The following IPO7 variants were observed in gnomAD, a reference collection of about 807,000 sequenced individuals.
The protein encoded by IPO7 is importin-7.
IPO7 carries 13 observed loss-of-function variants against 136.4 expected under a neutral mutation model. The observed-to-expected ratio is 0.10, with a 90% CI of 0.06 to 0.15. The LOEUF (loss-of-function observed/expected upper bound fraction) is 0.15, where lower values mean the gene tolerates loss of function less well. IPO7 is among the 10% of genes least tolerant of loss of function. The pLI is 1.00. For missense variants in IPO7, 857 were observed against 1,240.6 expected, an observed-to-expected ratio of 0.69 and a Z score of 4.65; for synonymous variants, 403 against 404.4, an observed-to-expected ratio of 1.00 and a Z score of 0.04.
intron 22 of IPO7, among the ~76,000 whole-genome samples, chr11:9,438,692 A>G (rs982385523): frequency 2.0e-5 from 3 of 152,158 alleles, no homozygotes; most frequent in Non-Finnish European, 2.9e-5. Flanking sequence ...TCATACCCAA[A>G]TGCTTTCATT....
intron 5 of IPO7, 29 bp from the exon 6 acceptor site, chr11:9,417,030 C>T (rs535645865): frequency 2.2e-5 from 23 of 1,056,356 alleles, no homozygotes; most frequent in Middle Eastern, 4.1e-4. Context: ...GCAAGGATTT[C>T]GAAATATTAA....
chr11:9,392,020 A>G (rs1024171199), intron 1 of IPO7, among the ~76,000 whole-genome samples: 2 of 152,044 alleles, frequency 1.3e-5, no homozygotes, highest in African/African-American at 4.8e-5. Context: ...GAGTCACTGC[A>G]CTTGGCTTAT....
intron 4 of IPO7, among the ~76,000 whole-genome samples, chr11:9,412,879 T>A (rs1237923931): frequency 6.6e-6 from 1 of 150,530 alleles, no homozygotes; most frequent in African/African-American, 2.5e-5. Context: ...CAAATTTGTT[T>A]GATTGATTGA....
At chr11:9,401,642 C>G (rs1224469245) in intron 1 of IPO7, among the ~76,000 whole-genome samples, 1 of 150,834 alleles carries the variant, frequency 6.6e-6, no homozygotes, top group East Asian at 1.9e-4. Flanking sequence ...TAAAGTGATC[C>G]AGGTCTATAA....
At chr11:9,414,959 A>G (rs931187224) in intron 5 of IPO7, among the ~76,000 whole-genome samples, 20 of 151,996 alleles carry the variant, frequency 1.3e-4, no homozygotes, top group African/African-American at 4.6e-4. Flanking sequence ...GGCAATGTCA[A>G]ATTATCTTAA....
At position 9,447,481 on chromosome 11, in the gene IPO7, G is replaced by GTA. The variant is rs1207842638; in HGVS notation, c.*2290_*2291dup. The GTA allele has an allele frequency of 9.2e-5, 14 of 152,070 alleles. No individual in the cohort carries two copies. The East Asian group carries it at 2.7e-3, about 29-fold the overall frequency. The allele number at this position is 152,070 out of a possible 1,614,324, so 9.4% of individuals were successfully genotyped here. On this transcript the variant is annotated 3_prime_UTR_variant, in exon 25 of 25. Transcript: ENST00000379719. ...TGATTTCCTTTAACATTATAATTTG[G>GTA]TATAGATCAAGAATCTTAACATGTA...
rs376648595 is a variant in IPO7 at position 9,433,734 on chromosome 11, G to C, written c.1962G>C (p.Glu654Asp). ...LQQHVLEFYE[E>D]IFSLAHSLTC... ...ATTCTCTTTTAGAATTCTATGAGGA[G>C]ATCTTCTCTTTAGCGCACAGTTTGA... The change falls in exon 18 of 25, where the codon GAG (glutamate) becomes GAC (aspartate). Residue 654 changes from glutamate (E) to aspartate (D), a missense_variant. By Grantham distance (45) the Glu-to-Asp change is conservative (BLOSUM62 2). Around this residue, in one of 11 missense-constraint regions of IPO7, gnomAD observed 190 missense variants for 249.0 expected, o/e 0.76. Transcript: ENST00000379719. 4.3e-6 allele frequency: 7 copies of C among 1,612,560 alleles called. No homozygotes were observed. The highest frequency in any genetic ancestry group is 5.9e-6 in the Non-Finnish European group (7 of 1,179,982).
At chr11:9,415,662 C>A (rs1855031274) in intron 5 of IPO7, among the ~76,000 whole-genome samples, 1 of 151,950 alleles carries the variant, frequency 6.6e-6, no homozygotes, top group Non-Finnish European at 1.5e-5. Flanking sequence ...CATGGTGAAA[C>A]CCTGTCTCTA....
intron 9 of IPO7, among the ~76,000 whole-genome samples, chr11:9,423,354 C>T (rs1386606087): frequency 6.6e-6 from 1 of 152,106 alleles, no homozygotes; most frequent in African/African-American, 2.4e-5. Context: ...TAATCCAAAA[C>T]TGTTGTCTTC....
At chr11:9,424,169 AT>A (rs1418347462) in intron 10 of IPO7, among the ~76,000 whole-genome samples, 1 of 152,208 alleles carries the variant, frequency 6.6e-6, no homozygotes, top group Non-Finnish European at 1.5e-5. Flanking sequence ...TTTGGATCTT[AT>A]GTTAGCCATC....
intron 14 of IPO7, 139 bp from the exon 15 acceptor site, chr11:9,429,535 A>G: frequency 1.9e-6 from 1 of 514,978 alleles, no homozygotes; most frequent in South Asian, 2.4e-5. Flanking sequence ...ATTAATTGTA[A>G]AAAGCCATAA....
chr11:9,426,831 C>T (rs776879869), intron 12 of IPO7, among the ~76,000 whole-genome samples: 1 of 152,002 alleles, frequency 6.6e-6, no homozygotes, highest in Non-Finnish European at 1.5e-5. Flanking sequence ...GATCTTGGCT[C>T]GCTGCAGCCA....
rs1470833592 is a variant in IPO7 at position 9,433,589 on chromosome 11, G to C, written c.1901G>C (p.Gly634Ala). ...DHKEITQQLEGICLQVIGTVL... is the reference protein window; with the variant it reads ...DHKEITQQLEAICLQVIGTVL... ...TTTTAGATAACCCAACAGCTTGAGG[G>C]AATCTGCTTACAGGTCATTGGTACT... Residue 634 changes from glycine (G) to alanine (A), a missense_variant, in exon 17 of 25, where the codon GGA becomes GCA. Gly to Ala is a moderately conservative substitution (Grantham distance 60, BLOSUM62 0). This residue lies in a region of IPO7 where 190 missense variants were observed against 249.0 expected (regional missense o/e 0.76). Coordinates refer to ENST00000379719, the MANE Select transcript of IPO7 (RefSeq NM_006391.3). 1 of 1,612,116 alleles carries C rather than the reference G, an allele frequency of 6.2e-7. No individual in the cohort carries two copies. The highest frequency in any genetic ancestry group is 1.1e-5 in the South Asian group (1 of 90,984).
intron 1 of IPO7, among the ~76,000 whole-genome samples, chr11:9,387,679 A>G (rs551482909): frequency 6.6e-6 from 1 of 152,062 alleles, no homozygotes; most frequent in East Asian, 1.9e-4. Context: ...TAAGAATACA[A>G]AATTAGCTGG....
At position 9,397,513 on chromosome 11, in the gene IPO7, G is replaced by A. The variant is rs1590428153; in HGVS notation, c.85-5777G>A. 2.0e-5 allele frequency among the ~76,000 whole-genome samples: 3 copies of A among 150,262 alleles called. No individual in the cohort carries two copies. In the East Asian group the frequency reaches 5.9e-4, roughly 30 times the overall value. On this transcript the variant is annotated intron_variant, in intron 1 of 24. Coordinates refer to ENST00000379719, the MANE Select transcript of IPO7 (RefSeq NM_006391.3). ...CCCAAAGCACTGGGATTACGGGTGT[G>A]AGCCACTGTGCTGGGCAGTTTTTGT...
intron 1 of IPO7, among the ~76,000 whole-genome samples, chr11:9,397,858 T>C (rs1854738464): frequency 6.6e-6 from 1 of 152,220 alleles, no homozygotes; most frequent in African/African-American, 2.4e-5. Flanking sequence ...TATATACTCC[T>C]TGTAGCCATC....
intron 12 of IPO7, among the ~76,000 whole-genome samples, chr11:9,425,988 G>T (rs1855200722): frequency 6.6e-6 from 1 of 152,074 alleles, no homozygotes; most frequent in Non-Finnish European, 1.5e-5. Flanking sequence ...GGAGGCTGCA[G>T]TGAGCCGAGG....
chr11:9,394,539 G>A (rs117038773), intron 1 of IPO7, among the ~76,000 whole-genome samples: 2,840 of 152,180 alleles, frequency 0.019, 56 homozygotes, highest in Non-Finnish European at 0.025. Context: ...AGTGCTTCAA[G>A]AACTCATTTT....
chr11:9,439,136 ACGGAGTTTT>A (rs1855425497), intron 22 of IPO7, among the ~76,000 whole-genome samples: 1 of 151,928 alleles, frequency 6.6e-6, no homozygotes, highest in Non-Finnish European at 1.5e-5. Context: ...TTCCTTTGAG[ACGGAGTTTT>A]GCTCCTGTTG....
Sources: allele counts gnomAD v4.1 joint callset (sites outside exome capture counted in the v4.1 genomes callset), GRCh38; gene constraint gnomAD v4.1.1; regional missense constraint gnomAD v4.1.1; transcripts MANE v1.5; gene names NCBI Gene and HGNC (gene_info 2026-07-23, HGNC 2026-07-21).